PRKCA: variants seen among roughly 807,000 people sequenced by gnomAD.
The protein encoded by PRKCA is protein kinase C alpha type.
PRKCA carries 27 observed loss-of-function variants against 87.0 expected under a neutral mutation model. That is an observed-to-expected ratio of 0.31 (90% CI 0.23 to 0.43). The LOEUF (loss-of-function observed/expected upper bound fraction) is 0.43. Ranked by LOEUF, PRKCA falls within the 20% of genes least tolerant of loss-of-function variation. The pLI, the probability that PRKCA is intolerant of heterozygous loss-of-function variation, is 1.00. For missense variants in PRKCA, 518 were observed against 852.3 expected (o/e 0.61, Z 4.88); for synonymous variants, 329 against 311.1 (o/e 1.06, Z -0.61).
At chr17:66,412,354 G>A (rs1911862263) in intron 2 of PRKCA, among the ~76,000 whole-genome samples, 1 of 152,250 alleles carries the variant, frequency 6.6e-6, no homozygotes, top group African/African-American at 2.4e-5. Flanking sequence ...ACTGCACCTG[G>A]CCTATTTTTA....
chr17:66,368,019 T>C (rs1182768795), intron 2 of PRKCA, among the ~76,000 whole-genome samples: 1 of 152,188 alleles, frequency 6.6e-6, no homozygotes, highest in Non-Finnish European at 1.5e-5. Context: ...CACATCACCA[T>C]ACTGTTCTGA....
At chr17:66,631,577 C>T (rs1289214348) in intron 3 of PRKCA, among the ~76,000 whole-genome samples, 1 of 152,064 alleles carries the variant, frequency 6.6e-6, no homozygotes, top group Non-Finnish European at 1.5e-5. Flanking sequence ...CGCCACTGCA[C>T]CTAGCTTATC....
intron 5 of PRKCA, among the ~76,000 whole-genome samples, chr17:66,646,880 A>G (rs1385328920): frequency 6.6e-6 from 1 of 152,222 alleles, no homozygotes; most frequent in Non-Finnish European, 1.5e-5. Context: ...GGAACTGGGA[A>G]TGAAATCCCT....
chr17:66,778,823 TGA>T (rs1490522186), intron 14 of PRKCA, among the ~76,000 whole-genome samples: 2 of 143,070 alleles, frequency 1.4e-5, no homozygotes, highest in African/African-American at 5.2e-5. Flanking sequence ...CCAGCCTGGG[TGA>T]GAGAGTGAGA....
In PRKCA at chr17:66,689,866, C is replaced by T. The variant is rs1450123162; in HGVS notation, c.918+819C>T. Among the ~76,000 whole-genome samples, 1 of 152,186 alleles carries T rather than the reference C, an allele frequency of 6.6e-6. No individual in the cohort carries two copies. Among genetic ancestry groups the T allele is most frequent in the Non-Finnish European group, 1.5e-5 (1 of 68,038 alleles). ...TTCAGTCTGTGTAACTGGTTAATTC[C>T]TTCGTGAATCTTTCTCTTCTTCAGA... On this transcript the variant is annotated intron_variant, in intron 8 of 16. Transcript: ENST00000413366. The surrounding 1 kb of genome is among the most constrained non-coding windows in gnomAD (Gnocchi z 4.1).
intron 11 of PRKCA, among the ~76,000 whole-genome samples, chr17:66,739,764 C>A (rs553623202): frequency 7.8e-6 from 1 of 128,146 alleles, no homozygotes; most frequent in Admixed American, 8.4e-5. Context: ...ATTTGAGGGG[C>A]GGGGGAAGGG....
At chr17:66,502,895 G>A (rs1402648986) in intron 3 of PRKCA, among the ~76,000 whole-genome samples, 1 of 151,990 alleles carries the variant, frequency 6.6e-6, no homozygotes, top group Non-Finnish European at 1.5e-5. Flanking sequence ...TCTGGACCTC[G>A]TGATCCGCCT....
chr17:66,347,774 A>C (rs1362987980), intron 2 of PRKCA, among the ~76,000 whole-genome samples: 2 of 152,054 alleles, frequency 1.3e-5, no homozygotes, highest in Non-Finnish European at 2.9e-5. Context: ...TTGTATTTCA[A>C]AAAAGTATCT....
intron 2 of PRKCA, among the ~76,000 whole-genome samples, chr17:66,394,048 C>T (rs1165216524): frequency 6.6e-6 from 1 of 152,022 alleles, no homozygotes; most frequent in East Asian, 1.9e-4. Context: ...CCATTCCAGT[C>T]TGGGTGACAG....
At chr17:66,428,853 T>G (rs1912954744) in intron 2 of PRKCA, among the ~76,000 whole-genome samples, 1 of 152,154 alleles carries the variant, frequency 6.6e-6, no homozygotes, top group African/African-American at 2.4e-5. Flanking sequence ...TGCAGATACT[T>G]AATTTTGATG....
At chr17:66,570,974 C>G (rs1159923196) in intron 3 of PRKCA, among the ~76,000 whole-genome samples, 1 of 152,190 alleles carries the variant, frequency 6.6e-6, no homozygotes, top group Non-Finnish European at 1.5e-5. Context: ...TCTAAGGTTG[C>G]TGTGAAGGTA....
intron 16 of PRKCA, among the ~76,000 whole-genome samples, chr17:66,798,920 ATGGTGG>A (rs1975784289): frequency 2.8e-4 from 1 of 3,518 alleles, no homozygotes; most frequent in Non-Finnish European, 5.7e-4. Flanking sequence ...GGTGGTGGTG[ATGGTGG>A]TGGTGGTGGT....
At chr17:66,611,309 C>T (rs530394947) in intron 3 of PRKCA, among the ~76,000 whole-genome samples, 21 of 152,240 alleles carry the variant, frequency 1.4e-4, no homozygotes, top group African/African-American at 5.1e-4. Context: ...ATTCATCACC[C>T]CTAAAAGAAA....
At chr17:66,580,936 C>G (rs149847082) in intron 3 of PRKCA, among the ~76,000 whole-genome samples, 4 of 152,114 alleles carry the variant, frequency 2.6e-5, no homozygotes, top group Non-Finnish European at 4.4e-5. Flanking sequence ...GTTGCCCCCC[C>G]CCATGCTCGA....
At chr17:66,519,361 G>A (rs1377191627) in intron 3 of PRKCA, among the ~76,000 whole-genome samples, 1 of 152,186 alleles carries the variant, frequency 6.6e-6, no homozygotes, top group East Asian at 1.9e-4. Flanking sequence ...TTATTAGCAA[G>A]TTTATAGCTT....
At chr17:66,562,059 AAT>A (rs897973412) in intron 3 of PRKCA, among the ~76,000 whole-genome samples, 7 of 123,200 alleles carry the variant, frequency 5.7e-5, no homozygotes, top group South Asian at 2.6e-4. Flanking sequence ...TATATAATTA[AAT>A]ATATATAATT....
chr17:66,421,611 C>T (rs1242849231), intron 2 of PRKCA, among the ~76,000 whole-genome samples: 1 of 151,908 alleles, frequency 6.6e-6, no homozygotes, highest in Non-Finnish European at 1.5e-5. Flanking sequence ...CAGCTCACTG[C>T]AGCCTCCATC....
chr17:66,447,792 G>A (rs1914109449), intron 2 of PRKCA, among the ~76,000 whole-genome samples: 1 of 152,178 alleles, frequency 6.6e-6, no homozygotes, highest in Non-Finnish European at 1.5e-5. Flanking sequence ...GGGCTATGTG[G>A]CTACCTCCTC....
intron 2 of PRKCA, among the ~76,000 whole-genome samples, chr17:66,491,665 C>G (rs1916251441): frequency 6.6e-6 from 1 of 152,210 alleles, no homozygotes. Context: ...CCAGGGGAAA[C>G]CCTATGATGT....
Sources: gnomAD v4.1 joint callset for allele counts (sites outside exome capture counted in the v4.1 genomes callset) on GRCh38, gnomAD v4.1.1 for gene constraint, Gnocchi (gnomAD v3.1) non-coding constraint, MANE v1.5 for transcripts, NCBI Gene and HGNC (gene_info 2026-07-23, HGNC 2026-07-21) for gene names.